Variants in FARS2 observed in about 807,000 individuals in gnomAD.
The protein encoded by FARS2 is phenylalanine--tRNA ligase, mitochondrial.
A neutral mutation model predicts 46.4 loss-of-function variants in FARS2; 40 were observed. The ratio of observed to expected loss-of-function variants is 0.86; its 90% CI spans 0.67 to 1.12. The LOEUF is 1.12. Ranked by LOEUF, FARS2 falls within the 50% of genes most tolerant of loss-of-function variation. The pLI is 0.00. For missense variants in FARS2, 513 were observed against 567.9 expected (o/e 0.90, Z 0.98); for synonymous variants, 234 against 214.9 (o/e 1.09, Z -0.78).
chr6:5,667,263 T>C (rs1778180218), intron 6 of FARS2, among the ~76,000 whole-genome samples: 1 of 152,230 alleles, frequency 6.6e-6, no homozygotes. Context: ...CTCACGCCTG[T>C]AATCCCAGCC....
chr6:5,336,344 T>A (rs1442975525), intron 1 of FARS2, among the ~76,000 whole-genome samples: 1 of 152,006 alleles, frequency 6.6e-6, no homozygotes. Context: ...ATTTTAAAAG[T>A]CTCGGTGACT....
At chr6:5,715,677 A>C (rs976037113) in intron 6 of FARS2, among the ~76,000 whole-genome samples, 36 of 152,370 alleles carry the variant, frequency 2.4e-4, no homozygotes, top group African/African-American at 8.2e-4. Context: ...ATTGCAGCAT[A>C]GTAGTTTATT....
chr6:5,261,819 G>A (rs1482094187), intron 1 of FARS2, among the ~76,000 whole-genome samples, 159 bp downstream of exon 1: 3 of 152,240 alleles, frequency 2.0e-5, no homozygotes, highest in Non-Finnish European at 4.4e-5. Context: ...ATAAAATGCA[G>A]CTTGGGTTGT....
intron 5 of FARS2, among the ~76,000 whole-genome samples, chr6:5,600,585 C>T (rs1432662621): frequency 6.6e-6 from 1 of 151,718 alleles, no homozygotes; most frequent in Non-Finnish European, 1.5e-5. Flanking sequence ...AAAGTAAGGG[C>T]CATCAAACAT....
intron 4 of FARS2, among the ~76,000 whole-genome samples, chr6:5,533,138 C>T (rs543561200): frequency 5.8e-4 from 88 of 152,192 alleles, no homozygotes; most frequent in African/African-American, 2.1e-3. Flanking sequence ...AGGGGACTTG[C>T]GACGCTGTGC....
At chr6:5,654,597 G>A (rs78292206) in intron 6 of FARS2, among the ~76,000 whole-genome samples, 1 of 152,118 alleles carries the variant, frequency 6.6e-6, no homozygotes, top group Non-Finnish European at 1.5e-5. Context: ...TTCAAGGGTG[G>A]ATTCCAGGCC....
intron 5 of FARS2, among the ~76,000 whole-genome samples, chr6:5,612,313 C>T (rs1180722148): frequency 6.6e-6 from 1 of 152,174 alleles, no homozygotes; most frequent in East Asian, 1.9e-4. Context: ...TGTAAATTTG[C>T]CCTTCTAAAA....
intron 6 of FARS2, among the ~76,000 whole-genome samples, chr6:5,632,381 G>A (rs573020138): frequency 1.4e-4 from 21 of 152,100 alleles, no homozygotes; most frequent in Admixed American, 5.2e-4. Flanking sequence ...TGGGAAGAGT[G>A]TTCTTTTTTC....
chr6:5,696,249 G>C (rs1161554606), intron 6 of FARS2, among the ~76,000 whole-genome samples: 1 of 152,224 alleles, frequency 6.6e-6, no homozygotes, highest in Non-Finnish European at 1.5e-5. Context: ...TGCAATGCCA[G>C]AAACTTCATC....
At chr6:5,369,866 G>A (rs1231479961) in intron 2 of FARS2, among the ~76,000 whole-genome samples, 1 of 147,086 alleles carries the variant, frequency 6.8e-6, no homozygotes, top group Admixed American at 6.9e-5. Context: ...TACGTTGTGT[G>A]CATCTTTTTT....
chr6:5,588,570 CTTT>C (rs1773748263), intron 5 of FARS2, among the ~76,000 whole-genome samples: 6 of 152,134 alleles, frequency 3.9e-5, no homozygotes, highest in African/African-American at 1.2e-4. Context: ...CACCTTTTCG[CTTT>C]TCTTTGACCT....
intron 2 of FARS2, among the ~76,000 whole-genome samples, chr6:5,378,288 G>A (rs1274326357): frequency 1.3e-5 from 2 of 151,898 alleles, no homozygotes; most frequent in East Asian, 1.9e-4. Context: ...TGTGGGTGAG[G>A]GGCTCCTTCC....
At chr6:5,402,059 T>C (rs1761288332) in intron 2 of FARS2, among the ~76,000 whole-genome samples, 1 of 152,042 alleles carries the variant, frequency 6.6e-6, no homozygotes, top group African/African-American at 2.4e-5. Context: ...TTGCCTGTGT[T>C]CCATTTCTAC....
At chr6:5,685,477 G>A (rs1468661498) in intron 6 of FARS2, among the ~76,000 whole-genome samples, 1 of 152,174 alleles carries the variant, frequency 6.6e-6, no homozygotes, top group Admixed American at 6.5e-5. Context: ...TATTGCACCA[G>A]GGTGGCTTTA....
At chr6:5,767,878 A>G (rs1053525364) in intron 6 of FARS2, among the ~76,000 whole-genome samples, 2 of 152,242 alleles carry the variant, frequency 1.3e-5, no homozygotes, top group African/African-American at 4.8e-5. Flanking sequence ...GATATAAAAG[A>G]ACCAGCAGAA....
At chr6:5,469,809 G>A (rs999089048) in intron 4 of FARS2, among the ~76,000 whole-genome samples, 2 of 152,186 alleles carry the variant, frequency 1.3e-5, no homozygotes, top group Non-Finnish European at 2.9e-5. Context: ...TCTAATCAGT[G>A]TTTTTCAATA....
At chr6:5,309,133 A>G (rs137920674) in intron 1 of FARS2, among the ~76,000 whole-genome samples, 1 of 152,228 alleles carries the variant, frequency 6.6e-6, no homozygotes, top group Non-Finnish European at 1.5e-5. Context: ...TGTGCTGTGT[A>G]CAAGATAAAC....
intron 1 of FARS2, among the ~76,000 whole-genome samples, chr6:5,316,088 C>G (rs1769497936): frequency 6.6e-6 from 1 of 152,198 alleles, no homozygotes; most frequent in South Asian, 2.1e-4. Flanking sequence ...TGGCTGACAT[C>G]TGGTTTTAGA....
chr6:5,391,942 G>A (rs1377076102), intron 2 of FARS2, among the ~76,000 whole-genome samples: 1 of 152,130 alleles, frequency 6.6e-6, no homozygotes, highest in Non-Finnish European at 1.5e-5. Flanking sequence ...TTGTATTCTG[G>A]GTCATTTGGA....
Sources: gnomAD v4.1 joint callset for allele counts (sites outside exome capture counted in the v4.1 genomes callset) on GRCh38, gnomAD v4.1.1 for gene constraint, MANE v1.5 for transcripts, NCBI Gene and HGNC (gene_info 2026-07-23, HGNC 2026-07-21) for gene names.